The following CNNM2 variants were observed in gnomAD, a reference collection of about 807,000 sequenced individuals.
CNNM2 encodes the protein cyclin and CBS domain divalent metal cation transport mediator 2.
A neutral mutation model predicts 66.9 loss-of-function variants in CNNM2; 12 were observed. That is an observed-to-expected ratio of 0.18 (90% CI 0.11 to 0.29). The LOEUF is 0.29. Among genes scored for constraint, CNNM2 ranks in the 10% least tolerant of loss-of-function variants. CNNM2 has a pLI of 1.00. For synonymous variants in CNNM2, 557 were observed against 501.8 expected (o/e 1.11, Z -1.47); for missense variants, 705 against 1,167.7 (o/e 0.60, Z 5.77).
chr10:102,982,141 C>T (rs886700106), intron 1 of CNNM2, among the ~76,000 whole-genome samples: 8 of 152,152 alleles, frequency 5.3e-5, no homozygotes, highest in South Asian at 4.1e-4. Flanking sequence ...ATCCTTCAGA[C>T]GACTAAACAG....
At chr10:102,969,004 C>G (rs1038880816) in intron 1 of CNNM2, among the ~76,000 whole-genome samples, 7 of 150,962 alleles carry the variant, frequency 4.6e-5, no homozygotes, top group African/African-American at 1.7e-4. Flanking sequence ...GTCTCCACCT[C>G]CTGGGCTCAA....
chr10:103,031,233 A>G (rs1276551511), intron 1 of CNNM2, among the ~76,000 whole-genome samples: 2 of 152,166 alleles, frequency 1.3e-5, no homozygotes, highest in African/African-American at 4.8e-5. Flanking sequence ...GAAAAATCGG[A>G]AAGTTTACTG....
chr10:103,056,783 TTATATC>T lies in CNNM2; in HGVS notation c.1904-7_1904-2del. On this transcript the variant is annotated splice_region_variant and splice_polypyrimidine_tract_variant and intron_variant, in intron 3 of 7. Coordinates refer to ENST00000369878, the MANE Select transcript of CNNM2 (RefSeq NM_017649.5). Reference sequence around the variant, plus strand: ...TTTGAAATGTAATATCAAGTTGTGTTTATATCTATAGAAGTAGAAGCATTTAGCCCA... The same window carrying T: ...TTTGAAATGTAATATCAAGTTGTGTTTATAGAAGTAGAAGCATTTAGCCCA... 1 of 1,612,952 alleles carries T rather than the reference TTATATC, an allele frequency of 6.2e-7. No individual in the cohort carries two copies.
chr10:103,007,847 C>T (rs2064258319), intron 1 of CNNM2, among the ~76,000 whole-genome samples: 1 of 152,138 alleles, frequency 6.6e-6, no homozygotes, highest in South Asian at 2.1e-4. Flanking sequence ...ATGAAGATAA[C>T]AGGATTAAGA....
intron 1 of CNNM2, among the ~76,000 whole-genome samples, chr10:102,931,372 T>TC (rs1846057894): frequency 2.0e-5 from 3 of 151,020 alleles, no homozygotes; most frequent in Admixed American, 1.3e-4. Context: ...TTTTTTTTTT[T>TC]TTCGAGACAG....
rs555990704 is a variant in CNNM2 at position 103,002,739 on chromosome 10, A to G, written c.1622-46968A>G. Reference sequence around the variant, plus strand: ...GGTGATCCACTTGCCTCAGCCTCCCAAAGTGCAGGGATTACAGGCGTGAGC... The same window carrying G: ...GGTGATCCACTTGCCTCAGCCTCCCGAAGTGCAGGGATTACAGGCGTGAGC... On this transcript the variant is annotated intron_variant, in intron 1 of 7. Transcript: ENST00000369878. Among the ~76,000 whole-genome samples the G allele has an allele frequency of 1.1e-4, 17 of 152,148 alleles. No individual in the cohort carries two copies. In the South Asian group the frequency reaches 3.5e-3, roughly 32 times the overall value.
intron 1 of CNNM2, among the ~76,000 whole-genome samples, chr10:103,039,428 C>T (rs975884434): frequency 2.6e-5 from 4 of 152,168 alleles, no homozygotes; most frequent in Non-Finnish European, 5.9e-5. Context: ...TGACCGATTG[C>T]GCCTGGCCTC....
rs191894851 is a variant in CNNM2, at chr10:103,081,781, T to C, written c.*4601T>C. ...ACCTTCTTTCCTATCTGGAGATTCA[T>C]ATTCTAGAGTCCCTGGTCAACCCTA... On this transcript the variant is annotated 3_prime_UTR_variant, in exon 8 of 8. Coordinates refer to ENST00000369878, the MANE Select transcript of CNNM2 (RefSeq NM_017649.5). 6.6e-6 allele frequency: 1 copy of C among 152,318 alleles called. No individual in the cohort carries two copies. The highest frequency in any genetic ancestry group is 2.4e-5 in the African/African-American group (1 of 41,558). The allele number at this position is 152,318 out of a possible 1,614,324, so 9.4% of individuals were successfully genotyped here.
chr10:102,985,109 T>C (rs2063776567), intron 1 of CNNM2, among the ~76,000 whole-genome samples: 1 of 152,212 alleles, frequency 6.6e-6, no homozygotes, highest in South Asian at 2.1e-4. Flanking sequence ...TTTTTTTTCT[T>C]TTTAACTTTC....
At chr10:102,979,912 T>C (rs1016899778) in intron 1 of CNNM2, among the ~76,000 whole-genome samples, 10 of 150,550 alleles carry the variant, frequency 6.6e-5, no homozygotes, top group Non-Finnish European at 1.5e-4. Flanking sequence ...TCTCTTTCTT[T>C]TCTTTTTATT....
At chr10:103,045,793 A>T (rs2065118848) in intron 1 of CNNM2, among the ~76,000 whole-genome samples, 1 of 152,162 alleles carries the variant, frequency 6.6e-6, no homozygotes, top group African/African-American at 2.4e-5. Context: ...TGAGATTGAA[A>T]TGCATCTTTT....
intron 1 of CNNM2, among the ~76,000 whole-genome samples, chr10:102,995,008 T>C (rs2063963844): frequency 6.6e-6 from 1 of 152,044 alleles, no homozygotes; most frequent in South Asian, 2.1e-4. Flanking sequence ...ATGTTGGTTT[T>C]TAAAACCCTA....
In CNNM2 at chr10:103,082,598, G is replaced by A. The variant is rs1283306712; in HGVS notation, c.*5418G>A. 2 of 152,200 alleles carry A rather than the reference G, an allele frequency of 1.3e-5. No homozygotes were observed. The highest frequency in any genetic ancestry group is 6.5e-5 in the Admixed American group (1 of 15,280). The allele number at this position is 152,200 out of a possible 1,614,324, so 9.4% of individuals were successfully genotyped here. A position where few individuals can be genotyped will look rare whatever the true frequency, so the allele number is the denominator to read the frequency against. ...TTCGTCTGTGACTAGGACAAGGTCT[G>A]TCTTGAAGCTTCCTCATCCATGGAT... On this transcript the variant is annotated 3_prime_UTR_variant, in exon 8 of 8. Transcript: ENST00000369878.
Position 102,918,353 on chromosome 10 carries a change from T to A in CNNM2, c.-128T>A. On this transcript the variant is annotated 5_prime_UTR_variant, in exon 1 of 8. Transcript: ENST00000369878. The surrounding 1 kb of genome is among the most constrained non-coding windows in gnomAD (Gnocchi z 4.1). ...CCTCAGCTGGCTGAGGTGGAGTCAG[T>A]GTCAGTCAGGGAGGCGAACTGCTGA... The A allele has an allele frequency of 6.9e-7, 1 of 1,445,972 alleles. No homozygotes were observed. The highest frequency in any genetic ancestry group is 9.2e-7 in the Non-Finnish European group (1 of 1,092,460). The allele number at this position is 1,445,972 out of a possible 1,614,324, so 89.6% of individuals were successfully genotyped here.
intron 1 of CNNM2, among the ~76,000 whole-genome samples, chr10:103,004,308 C>A (rs34060850): frequency 6.6e-6 from 1 of 152,028 alleles, no homozygotes; most frequent in Non-Finnish European, 1.5e-5. Flanking sequence ...AGCCTCATTG[C>A]GTGATTATAC....
rs2063616881 is a variant in CNNM2 at position 102,975,618 on chromosome 10, A to G, written c.1621+55517A>G. 2.0e-5 allele frequency among the ~76,000 whole-genome samples: 3 copies of G among 152,160 alleles called. No individual in the cohort carries two copies. The South Asian group carries it at 6.2e-4, about 32-fold the overall frequency. On this transcript the variant is annotated intron_variant, in intron 1 of 7. Transcript: ENST00000369878. ...AGGTCTTCATAAGCCCAAATTAACA[A>G]ATTGCCAAGTATGTCAAAACTTGTG...
chr10:103,083,745 T>A lies in CNNM2; in HGVS notation c.*6565T>A, dbSNP rs1055375003. On this transcript the variant is annotated 3_prime_UTR_variant, in exon 8 of 8. Coordinates refer to ENST00000369878, the MANE Select transcript of CNNM2 (RefSeq NM_017649.5). ...CAGACATTGGCTGCTCAGTCACTAA[T>A]AACAACACACAGTGCCGCTGGGCTA... 6.6e-6 allele frequency: 1 copy of A among 152,208 alleles called. No individual in the cohort carries two copies. Among genetic ancestry groups the A allele is most frequent in the African/African-American group, 2.4e-5 (1 of 41,454 alleles). The allele number at this position is 152,208 out of a possible 1,614,324, so 9.4% of individuals were successfully genotyped here.
chr10:103,053,718 A>G (rs2065252859), intron 2 of CNNM2, among the ~76,000 whole-genome samples: 1 of 152,210 alleles, frequency 6.6e-6, no homozygotes, highest in African/African-American at 2.4e-5. Flanking sequence ...GGAAGTTCGC[A>G]GACCTCTGTC....
intron 1 of CNNM2, among the ~76,000 whole-genome samples, chr10:103,035,512 C>T (rs2064920053): frequency 6.6e-6 from 1 of 152,134 alleles, no homozygotes; most frequent in South Asian, 2.1e-4. Context: ...AAATCCGAGT[C>T]TTTAAATACT....
Sources: gnomAD v4.1 joint callset for allele counts (sites outside exome capture counted in the v4.1 genomes callset) on GRCh38, gnomAD v4.1.1 for gene constraint, Gnocchi (gnomAD v3.1) non-coding constraint, MANE v1.5 for transcripts, NCBI Gene and HGNC (gene_info 2026-07-23, HGNC 2026-07-21) for gene names.